Variants in GRHL2 observed in about 807,000 individuals in gnomAD.
GRHL2 encodes grainyhead-like protein 2 homolog.
A neutral mutation model predicts 83.8 loss-of-function variants in GRHL2; 21 were observed. That is an observed-to-expected ratio of 0.25 (90% confidence interval 0.18 to 0.36). The LOEUF is 0.36. GRHL2 is among the 10% of genes least tolerant of loss of function. GRHL2 has a pLI of 1.00. For missense variants in GRHL2, 623 were observed against 781.8 expected, an observed-to-expected ratio of 0.80 and a Z score of 2.42; for synonymous variants, 280 against 278.9, an observed-to-expected ratio of 1.00 and a Z score of -0.04.
chr8:101,674,153 AAAGC>A (rs1417310802), downstream of GRHL2, among the ~76,000 whole-genome samples: 4 of 152,176 alleles, frequency 2.6e-5, no homozygotes, highest in East Asian at 7.7e-4. Flanking sequence ...AAGAATTAGA[AAAGC>A]AAGAGCAAAC....
At chr8:101,602,777 C>T (rs560171606) in intron 8 of GRHL2, among the ~76,000 whole-genome samples, 2 of 152,312 alleles carry the variant, frequency 1.3e-5, no homozygotes, top group Non-Finnish European at 1.5e-5. Flanking sequence ...AGTTTTCATG[C>T]CCAACTATGT....
chr8:101,604,562 G>A (rs536992407), intron 8 of GRHL2, among the ~76,000 whole-genome samples: 7 of 152,220 alleles, frequency 4.6e-5, no homozygotes, highest in Non-Finnish European at 8.8e-5. Context: ...GCTGCTTAGT[G>A]CTTTGTGCTG....
chr8:101,605,092 A>G (rs1812603399), intron 8 of GRHL2, among the ~76,000 whole-genome samples: 1 of 152,202 alleles, frequency 6.6e-6, no homozygotes, highest in Non-Finnish European at 1.5e-5. Context: ...AGGACCTTCC[A>G]GACAGGAAGT....
At chr8:101,649,529 G>A (rs1291917974) in intron 14 of GRHL2, 30 bp downstream of exon 14, 1 of 1,529,226 alleles carries the variant, frequency 6.5e-7, no homozygotes, top group Admixed American at 1.7e-5. Context: ...CAGCCTCCAG[G>A]AAACCTGCTG....
chr8:101,534,678 C>G (rs1424975546), intron 1 of GRHL2, among the ~76,000 whole-genome samples: 1 of 151,670 alleles, frequency 6.6e-6, no homozygotes. Flanking sequence ...GACCAGGGTG[C>G]TAGCAGTGGA....
chr8:101,532,581 C>G (rs1810951600), intron 1 of GRHL2, among the ~76,000 whole-genome samples: 1 of 151,996 alleles, frequency 6.6e-6, no homozygotes, highest in Non-Finnish European at 1.5e-5. Flanking sequence ...GAAACCCTGT[C>G]TCTACTAAAA....
At chr8:101,519,762 G>A (rs1221749753) in intron 1 of GRHL2, among the ~76,000 whole-genome samples, 1 of 152,016 alleles carries the variant, frequency 6.6e-6, no homozygotes, top group Non-Finnish European at 1.5e-5. Flanking sequence ...ATGTATATGT[G>A]CATGTATATT....
rs572997703 is a variant in GRHL2 at position 101,508,892 on chromosome 8, G to GA, written c.20+16111dup. On this transcript the variant is annotated intron_variant, in intron 1 of 15. Transcript: ENST00000646743. ...TGTAATTAGAAAAAACATAATTTAG[G>GA]AAAAAAAAGCAATTGCACATTTACC... 3.5e-4 allele frequency among the ~76,000 whole-genome samples: 53 copies of GA among 151,604 alleles called. 1 individual carries two copies. In the Middle Eastern group the frequency reaches 0.014, roughly 39 times the overall value.
intron 9 of GRHL2, among the ~76,000 whole-genome samples, chr8:101,624,142 C>T (rs1014881543): frequency 2.8e-5 from 4 of 144,538 alleles, no homozygotes. Flanking sequence ...TAGGACAGTT[C>T]ACAGTAGGAC....
In GRHL2 at chr8:101,612,520, G is replaced by GATACATATATAC. The variant is rs1554592373; in HGVS notation, c.1099-7012_1099-7011insTATACATACATA. Among the ~76,000 whole-genome samples, 271 of 123,774 alleles carry GATACATATATAC rather than the reference G, an allele frequency of 2.2e-3. 4 individuals carry two copies. The East Asian group carries it at 0.054, about 25-fold the overall frequency. 81.2% of individuals were successfully genotyped at this position (123,774 alleles called of 152,430 possible). On this transcript the variant is annotated intron_variant, in intron 8 of 15. Transcript: ENST00000646743. Reference sequence around the variant, plus strand: ...AGATAGATAGATAGATAGATAGATAGATACATACATACATACATACATACA... The same window carrying GATACATATATAC: ...AGATAGATAGATAGATAGATAGATAGATACATATATACATACATACATACATACATACATACA...
intron 4 of GRHL2, among the ~76,000 whole-genome samples, chr8:101,570,059 A>G (rs916036571): frequency 2.0e-5 from 3 of 152,206 alleles, no homozygotes; most frequent in Non-Finnish European, 4.4e-5. Context: ...TGTATTATCT[A>G]TTTGAGGAAA....
chr8:101,665,031 C>G (rs1335680516), intron 15 of GRHL2, among the ~76,000 whole-genome samples: 1 of 152,116 alleles, frequency 6.6e-6, no homozygotes, highest in Non-Finnish European at 1.5e-5. Flanking sequence ...TTTGGGGTCC[C>G]TTCCTAAGTA....
At chr8:101,607,927 AG>A (rs1812663821) in intron 8 of GRHL2, among the ~76,000 whole-genome samples, 1 of 152,230 alleles carries the variant, frequency 6.6e-6, no homozygotes. Flanking sequence ...ATCAATGGCT[AG>A]ATCTTTGTTA....
In GRHL2 at chr8:101,590,002, T is replaced by C. The variant is rs550047103; in HGVS notation, c.1004-9055T>C. Among the ~76,000 whole-genome samples, 15 of 152,286 alleles carry C rather than the reference T, an allele frequency of 9.8e-5. No homozygotes were observed. The South Asian group carries it at 3.1e-3, about 32-fold the overall frequency. ...ACTTACATGCTTGCCTGTTTCCTAT[T>C]CTATGAGGTGGGAATAATAATAATA... On this transcript the variant is annotated intron_variant, in intron 7 of 15. Transcript: ENST00000646743.
At chr8:101,591,991 T>G (rs1031997097) in intron 7 of GRHL2, among the ~76,000 whole-genome samples, 2 of 151,884 alleles carry the variant, frequency 1.3e-5, no homozygotes, top group Non-Finnish European at 2.9e-5. Flanking sequence ...TGGTATTTAG[T>G]CCTCCTAAGA....
At chr8:101,596,111 C>A (rs1812384882) in intron 7 of GRHL2, among the ~76,000 whole-genome samples, 1 of 142,716 alleles carries the variant, frequency 7.0e-6, no homozygotes, top group Admixed American at 7.4e-5. Flanking sequence ...CAGAGCAGGA[C>A]TCCGTCTCAA....
chr8:101,527,015 T>G (rs1045498965), intron 1 of GRHL2, among the ~76,000 whole-genome samples: 3 of 152,228 alleles, frequency 2.0e-5, no homozygotes, highest in Non-Finnish European at 4.4e-5. Context: ...TGCCGCTGTC[T>G]TTATTCATGT....
chr8:101,553,655 G>A (rs1193314700), intron 3 of GRHL2, among the ~76,000 whole-genome samples: 1 of 135,626 alleles, frequency 7.4e-6, no homozygotes, highest in East Asian at 2.2e-4. Context: ...TTGAGACGGA[G>A]TCTCGCTCTG....
intron 14 of GRHL2, among the ~76,000 whole-genome samples, chr8:101,652,358 G>GTCT (rs1563626737): frequency 0.095 from 6,750 of 71,232 alleles, 1,581 homozygotes; most frequent in African/African-American, 0.17. Context: ...TGGTGTGTGT[G>GTCT]GTGTGTGTGT....
Sources: gnomAD v4.1 joint callset for allele counts (sites outside exome capture counted in the v4.1 genomes callset) on GRCh38, gnomAD v4.1.1 for gene constraint, MANE v1.5 for transcripts, NCBI Gene and HGNC (gene_info 2026-07-23, HGNC 2026-07-21) for gene names.